Variants in TLL2 observed in about 807,000 individuals in gnomAD.
The protein encoded by TLL2 is tolloid-like protein 2.
A neutral mutation model predicts 123.0 loss-of-function variants in TLL2; 106 were observed. The ratio of observed to expected loss-of-function variants is 0.86; its 90% confidence interval spans 0.74 to 1.01. The LOEUF (loss-of-function observed/expected upper bound fraction) is 1.01. Among genes scored for constraint, TLL2 ranks in the 50% least tolerant of loss-of-function variants. TLL2 has a pLI of 0.00. For missense variants in TLL2, 1,332 were observed against 1,336.7 expected, an observed-to-expected ratio of 1.00 and a Z score of 0.06; for synonymous variants, 494 against 516.8, an observed-to-expected ratio of 0.96 and a Z score of 0.60.
chr10:96,369,616 G>T (rs988451979), intron 20 of TLL2, among the ~76,000 whole-genome samples: 2 of 151,776 alleles, frequency 1.3e-5, no homozygotes, highest in African/African-American at 4.8e-5. Context: ...CAAAAATTAG[G>T]TGGGTGTGGT....
intron 20 of TLL2, among the ~76,000 whole-genome samples, chr10:96,369,736 G>A (rs1389216202): frequency 2.0e-5 from 3 of 148,278 alleles, no homozygotes; most frequent in Non-Finnish European, 4.5e-5. Context: ...GACAGAGCAA[G>A]ACTCCGTCTC....
chr10:96,381,272 C>G (rs1290008862), intron 16 of TLL2, among the ~76,000 whole-genome samples: 1 of 152,226 alleles, frequency 6.6e-6, no homozygotes, highest in African/African-American at 2.4e-5. Flanking sequence ...GGTCAGATGA[C>G]AAGTTTAGGC....
intron 2 of TLL2, among the ~76,000 whole-genome samples, chr10:96,458,065 T>G (rs1178599052): frequency 1.3e-5 from 2 of 150,862 alleles, no homozygotes; most frequent in Admixed American, 1.3e-4. Context: ...GTGGGAGGAT[T>G]GGTGGGGAGG....
intron 2 of TLL2, among the ~76,000 whole-genome samples, chr10:96,479,837 A>G (rs2134104093): frequency 6.6e-6 from 1 of 152,218 alleles, no homozygotes; most frequent in African/African-American, 2.4e-5. Flanking sequence ...GAGTCCCCCC[A>G]TACTTTCTGC....
chr10:96,482,016 G>A (rs1000598803), intron 1 of TLL2, among the ~76,000 whole-genome samples: 1 of 152,206 alleles, frequency 6.6e-6, no homozygotes, highest in African/African-American at 2.4e-5. Context: ...CCAGCACTTT[G>A]GGAGGCTGAG....
chr10:96,476,326 G>C (rs1250387714), intron 2 of TLL2, among the ~76,000 whole-genome samples: 10 of 148,250 alleles, frequency 6.7e-5, no homozygotes, highest in Admixed American at 4.1e-4. Context: ...CTTGGCTAGT[G>C]AAATCGTACT....
At chr10:96,500,144 CAAA>C (rs57153896) in intron 1 of TLL2, among the ~76,000 whole-genome samples, 218 of 120,754 alleles carry the variant, frequency 1.8e-3, no homozygotes, top group Middle Eastern at 4.5e-3. Flanking sequence ...AAATCTCTAC[CAAA>C]AAAAAAAAAA....
At chr10:96,473,297 G>T (rs1246703352) in intron 2 of TLL2, among the ~76,000 whole-genome samples, 17 of 151,972 alleles carry the variant, frequency 1.1e-4, no homozygotes, top group Admixed American at 1.1e-3. Context: ...TCTACTAAAA[G>T]TACAAAAATT....
chr10:96,415,759 C>G (rs914619669), intron 7 of TLL2, among the ~76,000 whole-genome samples: 21 of 114,004 alleles, frequency 1.8e-4, no homozygotes, highest in African/African-American at 2.5e-4. Context: ...CTCTCTCTCT[C>G]TCTCTCTGTC....
chr10:96,413,755 CAG>C (rs1363132110), intron 7 of TLL2, among the ~76,000 whole-genome samples: 2 of 152,304 alleles, frequency 1.3e-5, no homozygotes, highest in African/African-American at 4.8e-5. Context: ...GTGAGACTCT[CAG>C]GGGCTGGTCA....
chr10:96,482,240 A>G (rs2134105351), intron 1 of TLL2, among the ~76,000 whole-genome samples: 1 of 151,578 alleles, frequency 6.6e-6, no homozygotes, highest in South Asian at 2.1e-4. Flanking sequence ...CCTGGGCGAC[A>G]GAGCGAGACT....
chr10:96,387,750 C>G (rs1329134229), intron 13 of TLL2, among the ~76,000 whole-genome samples: 1 of 151,898 alleles, frequency 6.6e-6, no homozygotes, highest in Non-Finnish European at 1.5e-5. Context: ...GCGTTTGGGG[C>G]GACTAAATAA....
chr10:96,431,113 G>T (rs1233316279), intron 4 of TLL2, among the ~76,000 whole-genome samples: 1 of 152,006 alleles, frequency 6.6e-6, no homozygotes, highest in African/African-American at 2.4e-5. Flanking sequence ...TAAATCTTTG[G>T]TCAGAAAAGC....
chr10:96,415,207 A>T (rs1846542116), intron 7 of TLL2, among the ~76,000 whole-genome samples: 1 of 152,220 alleles, frequency 6.6e-6, no homozygotes, highest in Non-Finnish European at 1.5e-5. Context: ...ACTTAACAAG[A>T]ATAAAGCATA....
intron 7 of TLL2, among the ~76,000 whole-genome samples, chr10:96,418,535 A>C (rs1449157531): frequency 6.6e-6 from 1 of 152,158 alleles, no homozygotes; most frequent in Non-Finnish European, 1.5e-5. Context: ...CTCATTCATT[A>C]ATTTATTCAT....
At chr10:96,487,284 A>G (rs1039695647) in intron 1 of TLL2, among the ~76,000 whole-genome samples, 3 of 152,102 alleles carry the variant, frequency 2.0e-5, no homozygotes, top group Non-Finnish European at 4.4e-5. Flanking sequence ...GTACCTCTCC[A>G]ACCTCCACTT....
intron 2 of TLL2, among the ~76,000 whole-genome samples, chr10:96,479,844 C>T (rs1767409282): frequency 6.6e-6 from 1 of 152,232 alleles, no homozygotes; most frequent in Non-Finnish European, 1.5e-5. Context: ...CCCATACTTT[C>T]TGCCTTTGCA....
rs751245198 is a variant in TLL2, at chr10:96,387,000, G to T, written c.1805C>A (p.Ala602Asp). The T allele has an allele frequency of 1.2e-6, 2 of 1,614,060 alleles. No individual in the cohort carries two copies. The highest frequency in any genetic ancestry group is 1.7e-6 in the Non-Finnish European group (2 of 1,180,022). The change falls in exon 14 of 21, where the codon GCC becomes GAC. Residue 602 changes from alanine (A) to aspartate (D), a missense_variant. Transcript: ENST00000357947. Reference protein sequence around the residue: ...CVNTLGSYKCACDPGYELAAD... With the variant: ...CVNTLGSYKCDCDPGYELAAD... Reference sequence around the variant, plus strand: ...GGCCAGCTCGTAGCCAGGGTCACAGGCACACTTGTAGCTGCCCAGCGTGTT... The same window carrying T: ...GGCCAGCTCGTAGCCAGGGTCACAGTCACACTTGTAGCTGCCCAGCGTGTT...
At chr10:96,442,629 G>A (rs565586473) in intron 3 of TLL2, among the ~76,000 whole-genome samples, 108 of 152,270 alleles carry the variant, frequency 7.1e-4, no homozygotes, top group Non-Finnish European at 1.2e-3. Flanking sequence ...GGCCATTTGG[G>A]GGAACTGCAG....
Sources: gnomAD v4.1 joint callset for allele counts (sites outside exome capture counted in the v4.1 genomes callset) on GRCh38, gnomAD v4.1.1 for gene constraint, MANE v1.5 for transcripts, NCBI Gene and HGNC (gene_info 2026-07-23, HGNC 2026-07-21) for gene names.